The following MUC5AC variants were observed in gnomAD, a reference collection of about 807,000 sequenced individuals.
MUC5AC encodes the protein mucin 5AC, oligomeric mucus/gel-forming, also known as mucin-5AC.
Under a neutral mutation model 169.7 loss-of-function variants are expected in MUC5AC, and 158 were observed. The ratio of observed to expected loss-of-function variants is 0.93; its 90% CI spans 0.82 to 1.06. The LOEUF (loss-of-function observed/expected upper bound fraction) is 1.06, where lower values mean the gene tolerates loss of function less well. Among genes scored for constraint, MUC5AC ranks in the 50% least tolerant of loss-of-function variants. The probability of loss-of-function intolerance (pLI) is 0.00; values close to 1 mark genes in which losing one functional copy is unlikely to be tolerated. For missense variants in MUC5AC, 4,359 were observed against 3,089.9 expected, an observed-to-expected ratio of 1.41 and a Z score of -9.74; for synonymous variants, 1,975 against 1,237.0, an observed-to-expected ratio of 1.60 and a Z score of -12.52.
At chr11:1,172,775 C>T (rs1384627233) in intron 16 of MUC5AC, among the ~76,000 whole-genome samples, 2 of 151,704 alleles carry the variant, frequency 1.3e-5, no homozygotes, top group Non-Finnish European at 2.9e-5. Context: ...CTCACCCGTT[C>T]ACCCATTCAC....
chr11:1,199,052 C>T (rs574819392), intron 44 of MUC5AC, 35 bp from the exon 45 acceptor site: 33 of 763,154 alleles, frequency 4.3e-5, no homozygotes, highest in Admixed American at 2.5e-4. Flanking sequence ...GCAGCGGTCG[C>T]CTGGATTCCA....
intron 26 of MUC5AC, 39 bp from the exon 27 acceptor site, chr11:1,179,983 T>C (rs991065749): frequency 2.3e-5 from 9 of 398,312 alleles, no homozygotes; most frequent in Admixed American, 1.8e-4. Context: ...TGCGAGTGAG[T>C]TCCTGGGACC....
rs1860811640 is a variant in MUC5AC at position 1,181,400 on chromosome 11, C to T, written c.3950C>T (p.Pro1317Leu). The T allele has an allele frequency of 5.0e-6, 2 of 398,474 alleles. No individual in the cohort carries two copies. The highest frequency in any genetic ancestry group is 1.3e-4 in the South Asian group (1 of 7,872). 24.7% of individuals were successfully genotyped at this position (398,474 alleles called of 1,614,324 possible). A position where few individuals can be genotyped will look rare whatever the true frequency, so the allele number is the denominator to read the frequency against. ...GGCACCATTGAGAGGAGGGTCTACC[C>T]CTGCAGCCCCACCACCCCTGTCCCC... is the stretch of plus-strand genomic sequence containing the variant. ...ANGTIERRVY[P>L]CSPTTPVPPT... The change falls in exon 30 of 49, where the codon CCC becomes CTC. Residue 1317 changes from proline (P) to leucine (L), a missense_variant. Pro to Leu is a moderately conservative substitution (Grantham distance 98, BLOSUM62 -3). Transcript: ENST00000621226.
Position 1,164,325 on chromosome 11 carries a change from T to C in MUC5AC, c.1003+6T>C. On this transcript the variant is annotated splice_donor_region_variant and intron_variant, in intron 8 of 48. Transcript: ENST00000621226. ...GCGGGGCCCTGACTTCTGCCGTGAGTGTCCCAGCCCCCTGTCCCCCAACCC... is the reference window on the plus strand; with the variant it reads ...GCGGGGCCCTGACTTCTGCCGTGAGCGTCCCAGCCCCCTGTCCCCCAACCC... 6.2e-7 allele frequency: 1 copy of C among 1,611,896 alleles called. No homozygotes were observed. Among genetic ancestry groups the C allele is most frequent in the Non-Finnish European group, 8.5e-7 (1 of 1,179,804 alleles).
intron 15 of MUC5AC, among the ~76,000 whole-genome samples, chr11:1,171,130 AC>A (rs2133734325): frequency 1.8e-5 from 2 of 110,484 alleles, no homozygotes; most frequent in South Asian, 3.1e-4. Context: ...CCACTCATTC[AC>A]CTCACTCACT....
intron 4 of MUC5AC, 58 bp from the exon 5 acceptor site, chr11:1,162,474 C>G (rs913579983): frequency 5.4e-6 from 8 of 1,482,624 alleles, no homozygotes; most frequent in Non-Finnish European, 7.5e-6. Flanking sequence ...GGCATCTGCC[C>G]TGCCTGGGGT....
intron 10 of MUC5AC, 75 bp from the exon 11 acceptor site, chr11:1,165,547 T>G (rs1297587586): frequency 1.3e-6 from 2 of 1,595,278 alleles, no homozygotes; most frequent in South Asian, 1.1e-5. Context: ...TGAGACCCGG[T>G]CAGCCTCCTG....
Position 1,181,472 on chromosome 11 carries a change from T to C in MUC5AC, c.4009+13T>C, listed in dbSNP as rs878938604. 292,525 of 387,970 alleles carry C rather than the reference T, an allele frequency of 0.75. 109,763 individuals are homozygous for C. Among genetic ancestry groups the C allele is most frequent in the Non-Finnish European group, 0.8 (178,603 of 224,102 alleles). 24.0% of individuals were successfully genotyped at this position (387,970 alleles called of 1,614,324 possible). A position where few individuals can be genotyped will look rare whatever the true frequency, so the allele number is the denominator to read the frequency against. ...ACACCCCCGCTTGGTAAGGCAAATG[T>C]GGCCGAGGAGCCCCAGGGTGAGCCC... On this transcript the variant is annotated intron_variant, in intron 30 of 48. Coordinates refer to ENST00000621226, the MANE Select transcript of MUC5AC (RefSeq NM_001304359.2).
At position 1,185,786 on chromosome 11, in the gene MUC5AC, C is replaced by T. The variant is rs1269376009; in HGVS notation, c.7641C>T (p.Ser2547=). The T allele has an allele frequency of 1.4e-6, 1 of 739,054 alleles. No homozygotes were observed. Among genetic ancestry groups the T allele is most frequent in the Non-Finnish European group, 2.5e-6 (1 of 402,842 alleles). The allele number at this position is 739,054 out of a possible 1,614,324, so 45.8% of individuals were successfully genotyped here. A position where few individuals can be genotyped will look rare whatever the true frequency, so the allele number is the denominator to read the frequency against. The part of the protein sequence containing the change: ...TTSTTSAPTT[S]TTSAPISSTT... The stretch of plus-strand genomic sequence containing the variant: ...GCACAACCTCTGCTCCTACAACCAG[C>T]ACAACCTCTGCCCCTATAAGCAGCA... Residue 2547 remains serine (S), a synonymous_variant, in exon 31 of 49, where the codon AGC becomes AGT. Transcript: ENST00000621226.
In MUC5AC at chr11:1,188,853, C is replaced by T. The variant is rs1280964111; in HGVS notation, c.10708C>T (p.Arg3570Ter). ...RPEEITRLQC[R>*]AKSHPEVSIE... Reference sequence around the variant, plus strand: ...TGAGGAGATCACCAGGCTCCAGTGCCGAGCCAAGAGCCACCCGGAGGTGAG... The same window carrying T: ...TGAGGAGATCACCAGGCTCCAGTGCTGAGCCAAGAGCCACCCGGAGGTGAG... Residue 3570 changes from arginine (R) to a stop codon, truncating the protein, a stop_gained, in exon 31 of 49, where the codon CGA becomes TGA. Transcript: ENST00000621226. LOFTEE classifies it high-confidence loss of function. 1.3e-5 allele frequency: 10 copies of T among 763,176 alleles called. No homozygotes were observed. Among genetic ancestry groups the T allele is most frequent in the South Asian group, 2.7e-5 (2 of 74,324 alleles). 47.3% of individuals were successfully genotyped at this position (763,176 alleles called of 1,614,324 possible).
intron 21 of MUC5AC, 85 bp downstream of exon 21, chr11:1,176,750 A>C: frequency 2.5e-6 from 1 of 398,508 alleles, no homozygotes; most frequent in Non-Finnish European, 4.4e-6. Flanking sequence ...CCCCCAGCAC[A>C]GGGGTCCCGG....
Position 1,191,032 on chromosome 11 carries a change from C to T in MUC5AC, c.12887C>T (p.Thr4296Ile), listed in dbSNP as rs1179516533. 1 of 755,496 alleles carries T rather than the reference C, an allele frequency of 1.3e-6. No homozygotes were observed. The highest frequency in any genetic ancestry group is 2.4e-6 in the Non-Finnish European group (1 of 414,746). 46.8% of individuals were successfully genotyped at this position (755,496 alleles called of 1,614,324 possible). Residue 4296 changes from threonine (T) to isoleucine (I), a missense_variant, in exon 31 of 49, where the codon ACT becomes ATT. Thr to Ile is a moderately conservative substitution (Grantham distance 89, BLOSUM62 -1). Coordinates refer to ENST00000621226, the MANE Select transcript of MUC5AC (RefSeq NM_001304359.2). ...TSSMTSGPGT[T>I]PSPVPTTSTT... ...AGCATGACCTCTGGTCCTGGAACTA[C>T]TCCCAGCCCTGTTCCCACCACCAGC...
intron 25 of MUC5AC, among the ~76,000 whole-genome samples, chr11:1,178,886 G>A (rs1265616998): frequency 6.6e-6 from 1 of 152,196 alleles, no homozygotes; most frequent in Non-Finnish European, 1.5e-5. Flanking sequence ...GGGGCCCTGG[G>A]GGGTGTTAAC....
In MUC5AC at chr11:1,194,127, G is replaced by A. The variant is rs929796070; in HGVS notation, c.14773G>A (p.Gly4925Ser). ...YQCQCVCSGW[G>S]DPHYITFDGT... is the part of the protein sequence containing the mutation. ...CCTGGCAGGTGTGTGCAGCGGCTGG[G>A]GTGACCCCCACTACATCACCTTCGA... The change falls in exon 34 of 49, where the codon GGT (glycine) becomes AGT (serine). Residue 4925 changes from glycine to serine, a missense_variant. By Grantham distance (56) the Gly-to-Ser change is moderately conservative (BLOSUM62 0). Coordinates refer to ENST00000621226, the MANE Select transcript of MUC5AC (RefSeq NM_001304359.2). 1.3e-6 allele frequency: 1 copy of A among 764,974 alleles called. No homozygotes were observed. Among genetic ancestry groups the A allele is most frequent in the Non-Finnish European group, 2.4e-6 (1 of 417,828 alleles). 47.4% of individuals were successfully genotyped at this position (764,974 alleles called of 1,614,324 possible).
chr11:1,186,891 A>T lies in MUC5AC; in HGVS notation c.8746A>T (p.Thr2916Ser), dbSNP rs1307373380. The T allele has an allele frequency of 3.4e-4, 244 of 726,476 alleles. No homozygotes were observed. The highest frequency in any genetic ancestry group is 2.3e-3 in the Middle Eastern group (10 of 4,396). 45.0% of individuals were successfully genotyped at this position (726,476 alleles called of 1,614,324 possible). Residue 2916 changes from threonine to serine, a missense_variant, in exon 31 of 49, where the codon ACA becomes TCA. Transcript: ENST00000621226. Reference sequence around the variant, plus strand: ...CACAACCTCTGCCCCTACAACCAGCACAACCTCTGCCCCTACAAGCAGCAC... The same window carrying T: ...CACAACCTCTGCCCCTACAACCAGCTCAACCTCTGCCCCTACAAGCAGCAC... ...TSTTSAPTTSTTSAPTSSTTS... is the reference protein window; with the variant it reads ...TSTTSAPTTSSTSAPTSSTTS...
intron 35 of MUC5AC, 68 bp from the exon 36 acceptor site, chr11:1,194,944 C>A (rs1861222998): frequency 3.0e-6 from 2 of 656,308 alleles, no homozygotes; most frequent in Non-Finnish European, 5.6e-6. Context: ...AGGGTCCTGT[C>A]CCCCAGCTGG....
At chr11:1,161,746 T>A (rs1461434677) in intron 3 of MUC5AC, among the ~76,000 whole-genome samples, 160 bp downstream of exon 3, 1 of 152,098 alleles carries the variant, frequency 6.6e-6, no homozygotes. Flanking sequence ...CACACGTTTC[T>A]GGGACTTCCC....
chr11:1,195,566 G>A (rs2133774466), intron 36 of MUC5AC, among the ~76,000 whole-genome samples: 1 of 152,246 alleles, frequency 6.6e-6, no homozygotes, highest in East Asian at 1.9e-4. Flanking sequence ...TGCTGGCTCA[G>A]GTGTATGGAC....
chr11:1,159,921 G>A (rs1397755598), intron 1 of MUC5AC, among the ~76,000 whole-genome samples: 1 of 131,940 alleles, frequency 7.6e-6, no homozygotes, highest in Non-Finnish European at 1.7e-5. Flanking sequence ...GCTCTGCGAC[G>A]GGCTGTGCGG....
Sources: allele counts gnomAD v4.1 joint callset (sites outside exome capture counted in the v4.1 genomes callset), GRCh38; gene constraint gnomAD v4.1.1; transcripts MANE v1.5; gene names NCBI Gene and HGNC (gene_info 2026-07-23, HGNC 2026-07-21).